Variants in ADCY4 observed in about 807,000 individuals in gnomAD.
The protein encoded by ADCY4 is adenylate cyclase 4, also known as adenylate cyclase type 4.
A neutral mutation model predicts 125.5 loss-of-function variants in ADCY4; 111 were observed. The ratio of observed to expected loss-of-function variants is 0.88; its 90% CI spans 0.76 to 1.04. ADCY4 has a LOEUF of 1.04. Ranked by LOEUF, ADCY4 falls within the 50% of genes least tolerant of loss-of-function variation. The pLI is 0.00. For missense variants in ADCY4, 1,256 were observed against 1,382.9 expected, an observed-to-expected ratio of 0.91 and a Z score of 1.46; for synonymous variants, 576 against 586.9, an observed-to-expected ratio of 0.98 and a Z score of 0.27.
chr14:24,320,000 A>G lies in ADCY4; in HGVS notation c.2587-112T>C. The stretch of plus-strand genomic sequence containing the variant: ...CACACTCCTGGTCTCCCTGTTTAAG[A>G]AGAATTGGGAAGGAGGGAGAGGAGT... On this transcript the variant is annotated intron_variant, in intron 20 of 24. Coordinates refer to ENST00000418030, the MANE Select transcript of ADCY4 (RefSeq NM_001198568.2). The surrounding 1 kb of genome is among the most constrained non-coding windows in gnomAD (Gnocchi z 4.5). 7.6e-7 allele frequency: 1 copy of G among 1,320,112 alleles called. No individual in the cohort carries two copies. Among genetic ancestry groups the G allele is most frequent in the Non-Finnish European group, 1.0e-6 (1 of 975,216 alleles). 81.8% of individuals were successfully genotyped at this position (1,320,112 alleles called of 1,614,324 possible).
chr14:24,322,134 G>A lies in ADCY4; in HGVS notation c.2518C>T (p.Leu840=). The A allele has an allele frequency of 6.2e-7, 1 of 1,614,172 alleles. No homozygotes were observed. Among genetic ancestry groups the A allele is most frequent in the African/African-American group, 1.3e-5 (1 of 75,040 alleles). The change falls in exon 20 of 25, where the codon CTG becomes TTG. Residue 840 remains leucine, a synonymous_variant. Transcript: ENST00000418030. ...ETETMENLTR[L]LLENVLPAHV... The stretch of plus-strand genomic sequence containing the variant: ...GCAGGGAGCACGTTCTCCAAGAGCA[G>A]CCGAGTCAGGTTCTCCATCGTCTCT...
intron 12 of ADCY4, 80 bp downstream of exon 12, chr14:24,325,999 G>T: frequency 6.4e-7 from 1 of 1,573,078 alleles, no homozygotes; most frequent in Non-Finnish European, 8.6e-7. Context: ...CTTCCCTCCA[G>T]CCCCTCAGGG....
chr14:24,322,068 C>CGTT lies in ADCY4; in HGVS notation c.2581_2583dup (p.Asn861dup). The CGTT allele has an allele frequency of 6.2e-7, 1 of 1,610,710 alleles. No individual in the cohort carries two copies. Among genetic ancestry groups the CGTT allele is most frequent in the Non-Finnish European group, 8.5e-7 (1 of 1,177,468 alleles). ...GGAGTCAGGGGGTCAGGAGTCACCT[C>CGTT]GTTGCGCCGGTTCTGGCCAATGAAC... On this transcript the variant is annotated inframe_insertion, in exon 20 of 25. Transcript: ENST00000418030.
At position 24,331,817 on chromosome 14, in the gene ADCY4, G is replaced by A. The variant is rs556836198; in HGVS notation, c.640C>T (p.Arg214Trp). Residue 214 changes from arginine to tryptophan, a missense_variant, in exon 4 of 25, where the codon CGG (arginine) becomes TGG (tryptophan). Physicochemically the swap from Arg to Trp is moderately radical, Grantham distance 101. Coordinates refer to ENST00000418030, the MANE Select transcript of ADCY4 (RefSeq NM_001198568.2). The stretch of plus-strand genomic sequence containing the variant: ...TGCTTCTTCTCGGTGTCCAGCCGCC[G>A]GCGTGAGTGCAGGGAGCTGAGTGCC... Reference protein sequence around the residue: ...REALSSLHSRRRLDTEKKHQE... With the variant: ...REALSSLHSRWRLDTEKKHQE... The A allele has an allele frequency of 1.9e-6, 3 of 1,593,434 alleles. No individual in the cohort carries two copies. The highest frequency in any genetic ancestry group is 2.3e-5 in the East Asian group (1 of 44,200).
chr14:24,330,337 G>C (rs1426491243), intron 6 of ADCY4, 42 bp from the exon 7 acceptor site: 1 of 1,611,578 alleles, frequency 6.2e-7, no homozygotes, highest in Admixed American at 1.7e-5. Flanking sequence ...CCTGGTTAGA[G>C]GTCAGAAGGG....
chr14:24,332,802 C>G lies in ADCY4; in HGVS notation c.346G>C (p.Ala116Pro). 1.9e-6 allele frequency: 3 copies of G among 1,554,976 alleles called. No homozygotes were observed. Among genetic ancestry groups the G allele is most frequent in the Non-Finnish European group, 1.7e-6 (2 of 1,146,910 alleles). Residue 116 changes from alanine to proline, a missense_variant, in exon 2 of 25, where the codon GCC (alanine) becomes CCC (proline). Physicochemically the swap from Ala to Pro is conservative, Grantham distance 27. Coordinates refer to ENST00000418030, the MANE Select transcript of ADCY4 (RefSeq NM_001198568.2). ...GCCGCCCCTCTCACCTGGTCCCAGG[C>G]GCTCACCACGCCCCCGGTGAACAGG... ...AFLFTGGVVS[A>P]WDQVSYFLFV...
chr14:24,331,157 G>A (rs1230751580), intron 5 of ADCY4, 28 bp from the exon 6 acceptor site: 4 of 1,612,942 alleles, frequency 2.5e-6, no homozygotes, highest in Admixed American at 1.7e-5. Context: ...TGTCAGCAGG[G>A]CCAGGGTCTT....
chr14:24,326,156 G>C lies in ADCY4; in HGVS notation c.1578C>G (p.Thr526=). The C allele has an allele frequency of 6.3e-7, 1 of 1,597,172 alleles. No individual in the cohort carries two copies. The highest frequency in any genetic ancestry group is 1.1e-5 in the South Asian group (1 of 89,768). Residue 526 remains threonine, a synonymous_variant, in exon 12 of 25, where the codon ACC becomes ACG. Coordinates refer to ENST00000418030, the MANE Select transcript of ADCY4 (RefSeq NM_001198568.2). The part of the protein sequence containing the change: ...STQWSLDRSR[T]PRGLDDELDT... ...CCAGTTCATCATCTAGTCCCCGGGG[G>C]GTACGGCTCCTGCACAGTGAGAGCC...
intron 20 of ADCY4, among the ~76,000 whole-genome samples, chr14:24,320,447 A>C (rs1407605105): frequency 6.6e-6 from 1 of 152,220 alleles, no homozygotes; most frequent in African/African-American, 2.4e-5. Context: ...CAAAGTGAAG[A>C]GAGAAAAGGA....
chr14:24,323,920 T>C (rs2041897887), intron 16 of ADCY4, 142 bp downstream of exon 16: 1 of 1,247,038 alleles, frequency 8.0e-7, no homozygotes, highest in Non-Finnish European at 1.1e-6. Context: ...GAGACTGTAA[T>C]TTTTTTCTTT....
Position 24,322,051 on chromosome 14 carries a change from G to T in ADCY4, c.2586+15C>A. The T allele has an allele frequency of 1.9e-6, 3 of 1,600,098 alleles. No homozygotes were observed. The highest frequency in any genetic ancestry group is 2.6e-6 in the Non-Finnish European group (3 of 1,169,648). ...ATGGCATCCGTGGCTCAGGAGTCAGGGGGTCAGGAGTCACCTCGTTGCGCC... is the reference window on the plus strand; with the variant it reads ...ATGGCATCCGTGGCTCAGGAGTCAGTGGGTCAGGAGTCACCTCGTTGCGCC... On this transcript the variant is annotated intron_variant, in intron 20 of 24. Transcript: ENST00000418030.
In ADCY4 at chr14:24,324,145, G is replaced by A. The variant is rs746824189; in HGVS notation, c.1963C>T (p.Leu655=). Residue 655 remains leucine, a synonymous_variant, in exon 16 of 25, where the codon CTG becomes TTG. Coordinates refer to ENST00000418030, the MANE Select transcript of ADCY4 (RefSeq NM_001198568.2). ...CTCAGTCCTGGTCGTGTGGCCACCA[G>A]GCCAGACAGTGCAGGCAGCCAGTGC... ...MLHWLPALSG[L]VATRPGLRIA... The A allele has an allele frequency of 1.2e-6, 2 of 1,614,244 alleles. No individual in the cohort carries two copies. The highest frequency in any genetic ancestry group is 1.7e-6 in the Non-Finnish European group (2 of 1,180,036).
Position 24,333,021 on chromosome 14 carries a change from A to G in ADCY4, c.160-33T>C, listed in dbSNP as rs764615135. On this transcript the variant is annotated intron_variant, in intron 1 of 24. Transcript: ENST00000418030. ...CAGGGGTGTGTGAGGCAAGATTGTGACAGGGAGAAGGAACGAACCTGATAA... is the reference window on the plus strand; with the variant it reads ...CAGGGGTGTGTGAGGCAAGATTGTGGCAGGGAGAAGGAACGAACCTGATAA... 9 of 1,496,270 alleles carry G rather than the reference A, an allele frequency of 6.0e-6. 1 individual carries two copies. In the South Asian group the frequency reaches 1.1e-4, roughly 19 times the overall value. The allele number at this position is 1,496,270 out of a possible 1,614,324, so 92.7% of individuals were successfully genotyped here.
In ADCY4 at chr14:24,319,800, T is replaced by C. The variant is rs781530399; in HGVS notation, c.2675A>G (p.Asn892Ser). ...CCTCAGACACTCTAGGCCCTCATGA[T>C]TGATGTTGGATTCAGAGTAGAACTC... is the stretch of plus-strand genomic sequence containing the variant. ...FKEFYSESNINHEGLECLRLL... is the reference protein window; with the variant it reads ...FKEFYSESNISHEGLECLRLL... Residue 892 changes from asparagine to serine, a missense_variant, in exon 21 of 25, where the codon AAT (asparagine) becomes AGT (serine). Transcript: ENST00000418030. The surrounding 1 kb of genome is among the most constrained non-coding windows in gnomAD (Gnocchi z 4.5). The C allele has an allele frequency of 9.3e-6, 15 of 1,613,942 alleles. No individual in the cohort carries two copies. Among genetic ancestry groups the C allele is most frequent in the Non-Finnish European group, 1.3e-5 (15 of 1,179,998 alleles).
rs148208330 is a variant in ADCY4 at position 24,319,202 on chromosome 14, C to A, written c.2852G>T (p.Arg951Leu). 2 of 1,614,122 alleles carry A rather than the reference C, an allele frequency of 1.2e-6. No individual in the cohort carries two copies. ...CATAGTGCCAAGGTGGCTGCAGCTC[C>A]GTTCAGCATCCTGGCAATGGGCCCG... The part of the protein sequence containing the change: ...SGQDAQQDAE[R>L]SCSHLGTMVE... Residue 951 changes from arginine to leucine, a missense_variant, in exon 23 of 25, where the codon CGG becomes CTG. Arg to Leu is a moderately radical substitution (Grantham distance 102, BLOSUM62 -2). Transcript: ENST00000418030. The surrounding 1 kb of genome is among the most constrained non-coding windows in gnomAD (Gnocchi z 4.5).
intron 3 of ADCY4, 71 bp downstream of exon 3, chr14:24,332,451 C>T: frequency 6.7e-7 from 1 of 1,487,548 alleles, no homozygotes; most frequent in Non-Finnish European, 9.0e-7. Context: ...AGCTCAACAA[C>T]CCCCTAAAAG....
In ADCY4 at chr14:24,334,770, C is replaced by A. The variant is rs953034979; in HGVS notation, c.-118G>T. On this transcript the variant is annotated 5_prime_UTR_variant, in exon 1 of 25. Coordinates refer to ENST00000418030, the MANE Select transcript of ADCY4 (RefSeq NM_001198568.2). ...CGCTCAAAGCCGCTACCACCCCGCG[C>A]CCCCAACCTCGTGGCAATCCCGTCT... 4 of 819,584 alleles carry A rather than the reference C, an allele frequency of 4.9e-6. No homozygotes were observed. Among genetic ancestry groups the A allele is most frequent in the African/African-American group, 1.8e-5 (1 of 56,092 alleles). 50.8% of individuals were successfully genotyped at this position (819,584 alleles called of 1,614,324 possible).
intron 9 of ADCY4, 77 bp from the exon 10 acceptor site, chr14:24,329,311 A>G: frequency 1.3e-6 from 2 of 1,579,506 alleles, no homozygotes; most frequent in South Asian, 1.2e-5. Flanking sequence ...AGGACCCAGG[A>G]ACTCAATCTC....
At chr14:24,325,563 C>T in intron 13 of ADCY4, 89 bp from the exon 14 acceptor site, 1 of 1,186,190 alleles carries the variant, frequency 8.4e-7, no homozygotes. Context: ...GTGGGCTCCT[C>T]AGCCTCACCG....
Sources: allele counts gnomAD v4.1 joint callset (sites outside exome capture counted in the v4.1 genomes callset), GRCh38; gene constraint gnomAD v4.1.1; non-coding constraint Gnocchi (gnomAD v3.1); transcripts MANE v1.5; gene names NCBI Gene and HGNC (gene_info 2026-07-23, HGNC 2026-07-21).